The following CSPP1 variants were observed in gnomAD, a reference collection of about 807,000 sequenced individuals.
The protein encoded by CSPP1 is centrosome and spindle pole-associated protein 1.
Under a neutral mutation model 164.4 loss-of-function variants are expected in CSPP1, and 126 were observed. That is an observed-to-expected ratio of 0.77 (90% CI 0.66 to 0.89). CSPP1 has a LOEUF of 0.89. CSPP1 is among the 40% of genes least tolerant of loss of function. The probability of loss-of-function intolerance (pLI) is 0.00; values close to 1 mark genes in which losing one functional copy is unlikely to be tolerated. For missense variants in CSPP1, 1,395 were observed against 1,449.8 expected, an observed-to-expected ratio of 0.96 and a Z score of 0.61; for synonymous variants, 472 against 476.7, an observed-to-expected ratio of 0.99 and a Z score of 0.13.
intron 17 of CSPP1, among the ~76,000 whole-genome samples, chr8:67,143,516 G>A (rs1477547954): frequency 1.3e-5 from 2 of 151,960 alleles, no homozygotes; most frequent in African/African-American, 4.8e-5. Flanking sequence ...AGATAATATT[G>A]AAACAGCCAG....
Position 67,175,352 on chromosome 8 carries a change from C to G in CSPP1, c.3025C>G (p.His1009Asp). Residue 1009 changes from histidine (H) to aspartate (D), a missense_variant, in exon 26 of 31, where the codon CAC becomes GAC. His to Asp is a moderately conservative substitution (Grantham distance 81). Coordinates refer to ENST00000678616, the MANE Select transcript of CSPP1 (RefSeq NM_001382391.1). ...GTACCTGGATCCTCCAAGAGATCATCACACCTTAGAGATTCAGCAGCAAGC... is the reference window on the plus strand; with the variant it reads ...GTACCTGGATCCTCCAAGAGATCATGACACCTTAGAGATTCAGCAGCAAGC... Reference protein sequence around the residue: ...FMYLDPPRDHHTLEIQQQALL... With the variant: ...FMYLDPPRDHDTLEIQQQALL... 6.2e-7 allele frequency: 1 copy of G among 1,613,454 alleles called. No individual in the cohort carries two copies.
chr8:67,083,041 C>T (rs956176766), intron 3 of CSPP1, among the ~76,000 whole-genome samples: 2 of 152,076 alleles, frequency 1.3e-5, no homozygotes, highest in Non-Finnish European at 2.9e-5. Context: ...TGACTTACCT[C>T]TAATGCCATA....
chr8:67,189,787 C>T (rs1426064138), intron 28 of CSPP1, among the ~76,000 whole-genome samples: 3 of 152,106 alleles, frequency 2.0e-5, no homozygotes, highest in Non-Finnish European at 1.5e-5. Context: ...TAGAAATTGG[C>T]AAAGTAACTA....
intron 17 of CSPP1, among the ~76,000 whole-genome samples, chr8:67,147,054 T>C (rs1824730276): frequency 6.6e-6 from 1 of 152,266 alleles, no homozygotes; most frequent in Non-Finnish European, 1.5e-5. Flanking sequence ...TAAATCTTAA[T>C]AATTATGTAC....
chr8:67,104,968 T>TATATA (rs58594151), intron 8 of CSPP1, among the ~76,000 whole-genome samples: 16 of 78,458 alleles, frequency 2.0e-4, no homozygotes, highest in African/African-American at 8.2e-4. Context: ...ATATATATAT[T>TATATA]TTTTTTTTTT....
intron 1 of CSPP1, among the ~76,000 whole-genome samples, chr8:67,073,384 A>G (rs1057188410): frequency 2.0e-5 from 3 of 152,192 alleles, no homozygotes; most frequent in Non-Finnish European, 4.4e-5. Flanking sequence ...GGGATGTTCT[A>G]TTGAAAAGGA....
At chr8:67,102,584 G>A (rs1384462878) in intron 7 of CSPP1, among the ~76,000 whole-genome samples, 1 of 151,660 alleles carries the variant, frequency 6.6e-6, no homozygotes, top group Non-Finnish European at 1.5e-5. Context: ...GCAAGACTCC[G>A]TCTCAAAAAA....
At chr8:67,105,844 T>G in intron 8 of CSPP1, 61 bp from the exon 9 acceptor site, 2 of 890,406 alleles carry the variant, frequency 2.2e-6, no homozygotes, top group Non-Finnish European at 3.8e-6. Flanking sequence ...CTCTGAAATT[T>G]TGCTTCCTGA....
intron 1 of CSPP1, among the ~76,000 whole-genome samples, chr8:67,068,447 G>A (rs1806039831): frequency 6.6e-6 from 1 of 152,148 alleles, no homozygotes; most frequent in African/African-American, 2.4e-5. Flanking sequence ...AGTTGTGAGT[G>A]ACTTTATATT....
intron 24 of CSPP1, among the ~76,000 whole-genome samples, chr8:67,167,974 G>A (rs536612801): frequency 1.3e-5 from 2 of 152,298 alleles, no homozygotes; most frequent in Non-Finnish European, 2.9e-5. Context: ...GTAGCCAGCC[G>A]AGATCACGCC....
chr8:67,113,764 T>C (rs777872645), intron 10 of CSPP1, 41 bp from the exon 11 acceptor site: 2 of 1,027,906 alleles, frequency 1.9e-6, no homozygotes, highest in East Asian at 2.5e-5. Context: ...TTTGATAGTT[T>C]ACTATATCTT....
At chr8:67,185,976 A>C (rs1220987459) in intron 28 of CSPP1, among the ~76,000 whole-genome samples, 1 of 152,218 alleles carries the variant, frequency 6.6e-6, no homozygotes, top group Non-Finnish European at 1.5e-5. Flanking sequence ...GCAAAAATGC[A>C]AGCAAGTATA....
At chr8:67,132,669 T>C (rs1357436479) in intron 16 of CSPP1, among the ~76,000 whole-genome samples, 1 of 152,136 alleles carries the variant, frequency 6.6e-6, no homozygotes, top group Non-Finnish European at 1.5e-5. Flanking sequence ...TTCTCAGGTT[T>C]CATTGACAGG....
At chr8:67,194,581 G>A (rs1212838255) in intron 30 of CSPP1, among the ~76,000 whole-genome samples, 1 of 151,798 alleles carries the variant, frequency 6.6e-6, no homozygotes, top group Non-Finnish European at 1.5e-5. Context: ...TTTTTCAGAA[G>A]GTTTTTAATG....
chr8:67,087,130 G>A (rs937892004), intron 4 of CSPP1, among the ~76,000 whole-genome samples: 3 of 142,770 alleles, frequency 2.1e-5, no homozygotes, highest in African/African-American at 8.4e-5. Flanking sequence ...ATATTCTGCA[G>A]TTAAGTCTGT....
chr8:67,065,960 C>T (rs1332392975), intron 1 of CSPP1, among the ~76,000 whole-genome samples: 2 of 152,184 alleles, frequency 1.3e-5, no homozygotes, highest in East Asian at 1.9e-4. Flanking sequence ...TTAACTGTTA[C>T]ACATTTGAGC....
At chr8:67,100,259 A>G (rs1200748245) in intron 7 of CSPP1, among the ~76,000 whole-genome samples, 1 of 152,194 alleles carries the variant, frequency 6.6e-6, no homozygotes, top group Non-Finnish European at 1.5e-5. Context: ...AACCTTATAC[A>G]TAAATAAAAT....
At chr8:67,118,630 G>T in intron 14 of CSPP1, 113 bp from the exon 15 acceptor site, 1 of 773,160 alleles carries the variant, frequency 1.3e-6, no homozygotes, top group Non-Finnish European at 2.1e-6. Context: ...AAATATTGAT[G>T]GTTTTCTCTA....
chr8:67,186,979 A>ATCTG (rs1011919618), intron 28 of CSPP1, among the ~76,000 whole-genome samples: 1 of 133,774 alleles, frequency 7.5e-6, no homozygotes, highest in African/African-American at 2.9e-5. Flanking sequence ...TCATCTATCT[A>ATCTG]TCTATCTATC....
Sources: allele counts gnomAD v4.1 joint callset (sites outside exome capture counted in the v4.1 genomes callset), GRCh38; gene constraint gnomAD v4.1.1; transcripts MANE v1.5; gene names NCBI Gene and HGNC (gene_info 2026-07-23, HGNC 2026-07-21).